The following NLGN1 variants were observed in gnomAD, a reference collection of about 807,000 sequenced individuals.
NLGN1 encodes the protein neuroligin 1, also known as neuroligin-1.
Under a neutral mutation model 65.5 loss-of-function variants are expected in NLGN1, and 12 were observed. The ratio of observed to expected loss-of-function variants is 0.18; its 90% CI spans 0.12 to 0.30. The LOEUF (loss-of-function observed/expected upper bound fraction) is 0.30. Ranked by LOEUF, NLGN1 falls within the 10% of genes least tolerant of loss-of-function variation. The pLI is 1.00. For synonymous variants in NLGN1, 350 were observed against 359.5 expected (o/e 0.97, Z 0.30); for missense variants, 750 against 1,007.1 (o/e 0.74, Z 3.46).
chr3:174,004,858 C>T (rs563012638), intron 4 of NLGN1, among the ~76,000 whole-genome samples: 12 of 152,104 alleles, frequency 7.9e-5, no homozygotes, highest in South Asian at 2.1e-4. Flanking sequence ...AAATTACGTT[C>T]GTGTTAAATC....
At position 174,255,080 on chromosome 3, in the gene NLGN1, T is replaced by G. The variant is rs1033374957; in HGVS notation, c.647-20235T>G. Among the ~76,000 whole-genome samples the G allele has an allele frequency of 2.0e-5, 3 of 152,008 alleles. No homozygotes were observed. The East Asian group carries it at 5.8e-4, about 29-fold the overall frequency. ...ACACAGCTACAAATGAACGTCTAGA[T>G]TAAACTGGGTGTTTAGAGGAAGGTA... On this transcript the variant is annotated intron_variant, in intron 4 of 6. Transcript: ENST00000457714.
intron 4 of NLGN1, among the ~76,000 whole-genome samples, chr3:174,195,672 T>C (rs1316867170): frequency 6.6e-6 from 1 of 152,122 alleles, no homozygotes; most frequent in East Asian, 1.9e-4. Flanking sequence ...TGACTTGCAA[T>C]ATTATCTTGC....
intron 2 of NLGN1, among the ~76,000 whole-genome samples, chr3:173,513,884 C>T (rs1261314277): frequency 3.9e-5 from 6 of 151,900 alleles, no homozygotes; most frequent in Non-Finnish European, 7.4e-5. Context: ...AAAAATTAGC[C>T]GGGTGTGGTG....
chr3:174,284,264 T>G (rs1381545325), exon 7 of NLGN1: 1 of 151,332 alleles, frequency 6.6e-6, no homozygotes, highest in Non-Finnish European at 1.5e-5. Context: ...ATAATTGCAG[T>G]CTCTAGTTTC....
At chr3:174,271,848 G>A (rs1467102527) in intron 4 of NLGN1, among the ~76,000 whole-genome samples, 1 of 151,602 alleles carries the variant, frequency 6.6e-6, no homozygotes, top group South Asian at 2.1e-4. Flanking sequence ...ATAATTTTTA[G>A]CATAATTGCA....
intron 2 of NLGN1, among the ~76,000 whole-genome samples, chr3:173,577,568 G>A (rs1407220550): frequency 5.3e-5 from 8 of 152,174 alleles, no homozygotes. Context: ...TATAGAAGAG[G>A]ACACAAGAAA....
At chr3:174,016,186 A>G (rs1051924923) in intron 4 of NLGN1, among the ~76,000 whole-genome samples, 1 of 152,188 alleles carries the variant, frequency 6.6e-6, no homozygotes, top group Non-Finnish European at 1.5e-5. Flanking sequence ...AACTGTGCCT[A>G]ATCTAAGATT....
intron 4 of NLGN1, among the ~76,000 whole-genome samples, chr3:173,829,078 C>G (rs1003868983): frequency 6.6e-6 from 1 of 151,996 alleles, no homozygotes; most frequent in African/African-American, 2.4e-5. Flanking sequence ...AGATGGAAGG[C>G]TACTGCAATA....
intron 3 of NLGN1, among the ~76,000 whole-genome samples, chr3:173,616,611 G>A (rs1313899158): frequency 6.6e-6 from 1 of 152,122 alleles, no homozygotes; most frequent in Non-Finnish European, 1.5e-5. Context: ...TCAGGGCTGT[G>A]TACAGGCATT....
chr3:173,817,547 G>A (rs1289137298), intron 4 of NLGN1, among the ~76,000 whole-genome samples: 4 of 152,162 alleles, frequency 2.6e-5, no homozygotes. Context: ...TTTACACAAA[G>A]AGCAACACAG....
chr3:174,048,875 AT>A (rs957389860), intron 4 of NLGN1, among the ~76,000 whole-genome samples: 7 of 152,064 alleles, frequency 4.6e-5, no homozygotes, highest in African/African-American at 1.7e-4. Flanking sequence ...ACCACAGAAT[AT>A]TTTTTTCTAA....
chr3:173,437,208 C>G (rs1289868350), intron 2 of NLGN1, among the ~76,000 whole-genome samples: 6 of 152,186 alleles, frequency 3.9e-5, no homozygotes, highest in Admixed American at 3.9e-4. Flanking sequence ...ACTGTTGCTT[C>G]CTCCTGCTCT....
chr3:173,818,892 G>GTTTTTTTTTTTTTT (rs1224307666), intron 4 of NLGN1, among the ~76,000 whole-genome samples: 10 of 21,300 alleles, frequency 4.7e-4, no homozygotes, highest in African/African-American at 2.4e-3. Flanking sequence ...CCTTTGAATA[G>GTTTTTTTTTTTTTT]TTCTTTTTTT....
chr3:173,790,391 C>G (rs1024923692), intron 3 of NLGN1, among the ~76,000 whole-genome samples: 3 of 152,030 alleles, frequency 2.0e-5, no homozygotes, highest in African/African-American at 7.2e-5. Flanking sequence ...CTTTCTAAGC[C>G]CTAGATTCTT....
At chr3:173,994,785 A>G (rs1485426046) in intron 4 of NLGN1, among the ~76,000 whole-genome samples, 4 of 152,192 alleles carry the variant, frequency 2.6e-5, no homozygotes, top group Non-Finnish European at 2.9e-5. Context: ...AGTTTTTGGA[A>G]CACCATGAGC....
intron 5 of NLGN1, among the ~76,000 whole-genome samples, chr3:174,276,567 G>GTGAT (rs1238944902): frequency 6.6e-6 from 1 of 151,844 alleles, no homozygotes; most frequent in Non-Finnish European, 1.5e-5. Context: ...GTTGAGTTTT[G>GTGAT]TGATAGGAGC....
intron 4 of NLGN1, among the ~76,000 whole-genome samples, chr3:173,941,571 A>G (rs755061759): frequency 3.3e-5 from 5 of 151,966 alleles, no homozygotes; most frequent in Non-Finnish European, 7.4e-5. Flanking sequence ...CCTCATCAAA[A>G]CGCATTATTA....
At chr3:174,223,498 A>G (rs1490467947) in intron 4 of NLGN1, among the ~76,000 whole-genome samples, 1 of 152,080 alleles carries the variant, frequency 6.6e-6, no homozygotes. Context: ...ATTCTCTAGC[A>G]TTTATTTCCT....
intron 2 of NLGN1, among the ~76,000 whole-genome samples, chr3:173,523,444 T>G (rs997502199): frequency 6.6e-6 from 1 of 151,730 alleles, no homozygotes; most frequent in Non-Finnish European, 1.5e-5. Flanking sequence ...TGATGAGAGA[T>G]AAGGATCCAA....
Sources: gnomAD v4.1 joint callset for allele counts (sites outside exome capture counted in the v4.1 genomes callset) on GRCh38, gnomAD v4.1.1 for gene constraint, MANE v1.5 for transcripts, NCBI Gene and HGNC (gene_info 2026-07-23, HGNC 2026-07-21) for gene names.